Variants in MGAT5 observed in about 807,000 individuals in gnomAD.
The protein encoded by MGAT5 is alpha-1,6-mannosylglycoprotein 6-beta-N-acetylglucosaminyltransferase A.
Under a neutral mutation model 94.3 loss-of-function variants are expected in MGAT5, and 30 were observed. The ratio of observed to expected loss-of-function variants is 0.32; its 90% CI spans 0.24 to 0.43. MGAT5 has a LOEUF of 0.43. Ranked by LOEUF, MGAT5 falls within the 20% of genes least tolerant of loss-of-function variation. The probability of loss-of-function intolerance (pLI) is 1.00; values close to 1 mark genes in which losing one functional copy is unlikely to be tolerated. For synonymous variants in MGAT5, 310 were observed against 322.9 expected (o/e 0.96, Z 0.43); for missense variants, 691 against 905.5 (o/e 0.76, Z 3.04).
intron 2 of MGAT5, among the ~76,000 whole-genome samples, chr2:134,317,167 AGTGCTGG>A (rs1413776801): frequency 6.6e-6 from 1 of 152,108 alleles, no homozygotes; most frequent in East Asian, 1.9e-4. Context: ...TGTCCCTACC[AGTGCTGG>A]AGGACCCTCC....
At chr2:134,377,873 A>C (rs1681285135) in intron 10 of MGAT5, among the ~76,000 whole-genome samples, 1 of 152,190 alleles carries the variant, frequency 6.6e-6, no homozygotes, top group South Asian at 2.1e-4. Flanking sequence ...TCATACTAGC[A>C]GATACCAGAC....
chr2:134,142,775 C>A (rs891970031), intron 1 of MGAT5, among the ~76,000 whole-genome samples: 1 of 152,150 alleles, frequency 6.6e-6, no homozygotes, highest in Non-Finnish European at 1.5e-5. Context: ...TGTTTTTTAA[C>A]TCTTTTTTTG....
chr2:134,385,726 G>A (rs116780000), intron 10 of MGAT5, among the ~76,000 whole-genome samples: 1,654 of 152,258 alleles, frequency 0.011, 21 homozygotes, highest in South Asian at 0.033. Flanking sequence ...CATAGGGCAT[G>A]ACAATTAAAA....
upstream of MGAT5, among the ~76,000 whole-genome samples, chr2:134,251,171 AAGTAATG>A (rs1682566163): frequency 6.6e-6 from 1 of 152,068 alleles, no homozygotes; most frequent in Non-Finnish European, 1.5e-5. Context: ...GTTCAAAATT[AAGTAATG>A]AGTAATGAGT....
chr2:134,422,165 AAG>A (rs1553464557), intron 12 of MGAT5, among the ~76,000 whole-genome samples: 1 of 151,508 alleles, frequency 6.6e-6, no homozygotes, highest in East Asian at 1.9e-4. Flanking sequence ...GGGGAAAAAA[AAG>A]AAGAATGGAC....
intron 11 of MGAT5, among the ~76,000 whole-genome samples, chr2:134,407,448 G>T (rs1055875850): frequency 9.2e-5 from 14 of 152,150 alleles, no homozygotes; most frequent in Admixed American, 3.9e-4. Context: ...AGAGGTATGA[G>T]TCAGTAACCT....
intron 1 of MGAT5, among the ~76,000 whole-genome samples, chr2:134,124,643 C>T (rs895665455): frequency 2.9e-4 from 44 of 152,270 alleles, no homozygotes; most frequent in African/African-American, 1.1e-3. Flanking sequence ...TCAGGTGGCT[C>T]CCTGCAATGG....
intron 2 of MGAT5, among the ~76,000 whole-genome samples, chr2:134,284,586 CA>C (rs139485570): frequency 0.17 from 24,845 of 143,246 alleles, 2,157 homozygotes; most frequent in Middle Eastern, 0.36. Flanking sequence ...TAAAATAGAG[CA>C]AAAAAAAAAA....
intron 2 of MGAT5, among the ~76,000 whole-genome samples, chr2:134,274,704 T>C (rs1020743292): frequency 2.0e-5 from 3 of 152,226 alleles, no homozygotes; most frequent in Admixed American, 6.5e-5. Context: ...CAAGTGGTGT[T>C]GTGATGACTT....
intron 1 of MGAT5, among the ~76,000 whole-genome samples, chr2:134,188,503 G>C (rs1258937544): frequency 6.6e-6 from 1 of 152,370 alleles, no homozygotes; most frequent in Middle Eastern, 3.4e-3. Context: ...GAAGGTCTTA[G>C]AACCATGTCT....
chr2:134,217,494 A>C (rs1680560339), intron 1 of MGAT5, among the ~76,000 whole-genome samples: 1 of 152,142 alleles, frequency 6.6e-6, no homozygotes, highest in Non-Finnish European at 1.5e-5. Flanking sequence ...TGAGAACTGA[A>C]CTTGAAAGCC....
chr2:134,169,246 A>G (rs962016590), intron 1 of MGAT5, among the ~76,000 whole-genome samples: 1 of 152,172 alleles, frequency 6.6e-6, no homozygotes, highest in African/African-American at 2.4e-5. Flanking sequence ...TTGGTTGAAA[A>G]TGGGATTTCA....
intron 10 of MGAT5, among the ~76,000 whole-genome samples, chr2:134,371,807 C>T (rs1680820977): frequency 1.3e-5 from 2 of 152,164 alleles, no homozygotes; most frequent in African/African-American, 4.8e-5. Context: ...AGGCAGGACT[C>T]TGACATGGCC....
intron 2 of MGAT5, among the ~76,000 whole-genome samples, chr2:134,298,584 T>C (rs1003842588): frequency 6.6e-6 from 1 of 152,178 alleles, no homozygotes; most frequent in Admixed American, 6.5e-5. Flanking sequence ...TTGTAACAAA[T>C]CCTTGTTTAT....
chr2:134,319,175 A>G (rs371461675), intron 4 of MGAT5, among the ~76,000 whole-genome samples: 1 of 152,288 alleles, frequency 6.6e-6, no homozygotes, highest in South Asian at 2.1e-4. Context: ...TTGGAAATAT[A>G]CCCAGAAGTG....
At chr2:134,344,680 A>G (rs564172464) in intron 7 of MGAT5, among the ~76,000 whole-genome samples, 1 of 152,148 alleles carries the variant, frequency 6.6e-6, no homozygotes, top group Non-Finnish European at 1.5e-5. Flanking sequence ...AGTCAGACCC[A>G]TATCTTCCTT....
At chr2:134,134,992 T>G (rs1686340819) in intron 1 of MGAT5, among the ~76,000 whole-genome samples, 1 of 152,246 alleles carries the variant, frequency 6.6e-6, no homozygotes, top group Non-Finnish European at 1.5e-5. Context: ...CCTGTAGAAT[T>G]AGCACATCAC....
intron 2 of MGAT5, among the ~76,000 whole-genome samples, chr2:134,315,424 G>C (rs1378651728): frequency 2.0e-5 from 3 of 152,178 alleles, no homozygotes; most frequent in Non-Finnish European, 4.4e-5. Context: ...ATAGTGATAG[G>C]AATAATGGTC....
At chr2:134,318,110 C>A (rs1252291974) in intron 3 of MGAT5, among the ~76,000 whole-genome samples, 1 of 152,116 alleles carries the variant, frequency 6.6e-6, no homozygotes, top group Non-Finnish European at 1.5e-5. Flanking sequence ...TATGGCCTGC[C>A]CCTGGGGAGA....
Sources: gnomAD v4.1 joint callset for allele counts (sites outside exome capture counted in the v4.1 genomes callset) on GRCh38, gnomAD v4.1.1 for gene constraint, MANE v1.5 for transcripts, NCBI Gene and HGNC (gene_info 2026-07-23, HGNC 2026-07-21) for gene names.